The following COLEC11 variants were observed in gnomAD, a reference collection of about 807,000 sequenced individuals.
COLEC11 encodes collectin-11.
Under a neutral mutation model 27.3 loss-of-function variants are expected in COLEC11, and 20 were observed. That is an observed-to-expected ratio of 0.73 (90% CI 0.51 to 1.06). The LOEUF (loss-of-function observed/expected upper bound fraction) is 1.06. Ranked by LOEUF, COLEC11 falls within the 50% of genes least tolerant of loss-of-function variation. The pLI is 0.00. For missense variants in COLEC11, 310 were observed against 383.0 expected (o/e 0.81, Z 1.59); for synonymous variants, 163 against 154.7 (o/e 1.05, Z -0.40).
intron 3 of COLEC11, among the ~76,000 whole-genome samples, chr2:3,632,405 G>C (rs777539231): frequency 1.3e-5 from 2 of 152,222 alleles, no homozygotes; most frequent in Admixed American, 1.3e-4. Context: ...GAGGCTGGAA[G>C]TCAGGGATCC....
At position 3,603,762 on chromosome 2, in the gene COLEC11, C is replaced by T; in HGVS notation, c.-26-553C>T. ...TCCCCAGGCCCCTGGGTTCCTAAGG[C>T]CGGGGCTCCTCTCTCCTTACTGATC... On this transcript the variant is annotated intron_variant, in intron 1 of 6. Transcript: ENST00000349077. 3.3e-6 allele frequency: 4 copies of T among 1,197,422 alleles called. No individual in the cohort carries two copies. In the South Asian group the frequency reaches 3.9e-5, roughly 12 times the overall value. The allele number at this position is 1,197,422 out of a possible 1,614,324, so 74.2% of individuals were successfully genotyped here. A position where few individuals can be genotyped will look rare whatever the true frequency, so the allele number is the denominator to read the frequency against.
At chr2:3,620,112 TTTTTGTAAGA>T (rs1258772450) in intron 3 of COLEC11, among the ~76,000 whole-genome samples, 7 of 152,192 alleles carry the variant, frequency 4.6e-5, no homozygotes, top group Non-Finnish European at 1.0e-4. Context: ...CCTCTTCAAT[TTTTTGTAAGA>T]TTTTAGAAGG....
At chr2:3,614,309 A>G (rs1220946110) in intron 3 of COLEC11, among the ~76,000 whole-genome samples, 3 of 151,772 alleles carry the variant, frequency 2.0e-5, no homozygotes. Flanking sequence ...CAGTTAGCCA[A>G]CCCCCCAACC....
At chr2:3,616,698 A>G (rs1014327968) in intron 3 of COLEC11, among the ~76,000 whole-genome samples, 11 of 152,166 alleles carry the variant, frequency 7.2e-5, no homozygotes, top group African/African-American at 2.7e-4. Context: ...CAGTGAGCCG[A>G]GATGGCAGCA....
Position 3,643,629 on chromosome 2 carries a change from G to C in COLEC11, c.424+90G>C. ...CAAGGGCTCTGCCGTGCCCACGCCT[G>C]CCCTGCCTGCCCTGCCGGCCCCTGC... On this transcript the variant is annotated intron_variant, in intron 6 of 6. Coordinates refer to ENST00000349077, the MANE Select transcript of COLEC11 (RefSeq NM_024027.5). 4 of 1,598,316 alleles carry C rather than the reference G, an allele frequency of 2.5e-6. No homozygotes were observed. In the South Asian group the frequency reaches 4.4e-5, roughly 18 times the overall value.
At chr2:3,640,249 G>A in intron 4 of COLEC11, 29 bp from the exon 5 acceptor site, 1 of 1,460,856 alleles carries the variant, frequency 6.8e-7, no homozygotes, top group Non-Finnish European at 9.6e-7. Flanking sequence ...TCTCTGCCTG[G>A]TGACTTGGAC....
chr2:3,600,331 G>GATC (rs1662132220), intron 1 of COLEC11, among the ~76,000 whole-genome samples: 1 of 152,006 alleles, frequency 6.6e-6, no homozygotes, highest in Non-Finnish European at 1.5e-5. Context: ...GAGAGAGGCA[G>GATC]ATCACTTCAG....
At chr2:3,607,449 C>CTTTTTTTTTTTTTTTTTT (rs377560723) in intron 2 of COLEC11, among the ~76,000 whole-genome samples, 3 of 109,172 alleles carry the variant, frequency 2.7e-5, no homozygotes, top group Non-Finnish European at 5.4e-5. Context: ...TTTTTTTTTG[C>CTTTTTTTTTTTTTTTTTT]TTTTTTTTTT....
intron 3 of COLEC11, among the ~76,000 whole-genome samples, chr2:3,615,244 G>A (rs1663574053): frequency 1.3e-5 from 2 of 152,336 alleles, no homozygotes; most frequent in Non-Finnish European, 2.9e-5. Flanking sequence ...AGACAAACAA[G>A]TGAACAAGGG....
At chr2:3,596,571 A>G (rs1270056248) in intron 1 of COLEC11, among the ~76,000 whole-genome samples, 1 of 152,100 alleles carries the variant, frequency 6.6e-6, no homozygotes, top group African/African-American at 2.4e-5. Flanking sequence ...ACTCCTAACC[A>G]GGTGATCTGC....
rs1339384030 is a variant in COLEC11, at chr2:3,604,340, G to A, written c.-1G>A. The A allele has an allele frequency of 1.9e-6, 3 of 1,613,630 alleles. No homozygotes were observed. Among genetic ancestry groups the A allele is most frequent in the Non-Finnish European group, 1.7e-6 (2 of 1,179,900 alleles). The stretch of plus-strand genomic sequence containing the variant: ...GAGTTGGTGTCCTGCCTGCGCTCAG[G>A]ATGAGGGGGAATCTGGCCCTGGTGG... On this transcript the variant is annotated 5_prime_UTR_variant, in exon 2 of 7. Transcript: ENST00000349077.
intron 2 of COLEC11, among the ~76,000 whole-genome samples, chr2:3,607,453 T>C (rs983710584): frequency 1.4e-5 from 2 of 141,244 alleles, no homozygotes; most frequent in Non-Finnish European, 1.6e-5. Flanking sequence ...TTTTTGCTTT[T>C]TTTTTTTTTT....
intron 3 of COLEC11, among the ~76,000 whole-genome samples, chr2:3,634,557 C>G (rs1465765037): frequency 6.6e-6 from 1 of 152,170 alleles, no homozygotes. Flanking sequence ...AATGGGTTGG[C>G]TAGTTGATTG....
chr2:3,639,323 T>C (rs1297314942), intron 4 of COLEC11, among the ~76,000 whole-genome samples: 1 of 152,234 alleles, frequency 6.6e-6, no homozygotes, highest in Non-Finnish European at 1.5e-5. Context: ...CTGGGCAGAT[T>C]CCGGCATCTC....
chr2:3,637,686 G>A (rs1665533953), intron 4 of COLEC11, 82 bp downstream of exon 4: 15 of 1,080,386 alleles, frequency 1.4e-5, no homozygotes, highest in Non-Finnish European at 2.2e-5. Flanking sequence ...ATTGTAGCCT[G>A]AATTGTCTCG....
chr2:3,599,938 T>C (rs988050455), intron 1 of COLEC11, among the ~76,000 whole-genome samples: 3 of 152,174 alleles, frequency 2.0e-5, no homozygotes, highest in African/African-American at 7.2e-5. Flanking sequence ...TGTGATATCT[T>C]ATAAAACTCA....
Position 3,637,538 on chromosome 2 carries a change from A to C in COLEC11, c.208A>C (p.Met70Leu). ...RVGPTGEKGD[M>L]GDKGQKGSVG... is the part of the protein sequence containing the mutation. ...GCTCTTATTGTTTTCTACAGGAGACATGGGGGACAAAGGACAGAAAGGCAG... is the reference window on the plus strand; with the variant it reads ...GCTCTTATTGTTTTCTACAGGAGACCTGGGGGACAAAGGACAGAAAGGCAG... Residue 70 changes from methionine (M) to leucine (L), a missense_variant, in exon 4 of 7, where the codon ATG becomes CTG. Physicochemically the swap from Met to Leu is conservative, Grantham distance 15. Coordinates refer to ENST00000349077, the MANE Select transcript of COLEC11 (RefSeq NM_024027.5). 1.2e-6 allele frequency: 2 copies of C among 1,614,104 alleles called. No individual in the cohort carries two copies. The highest frequency in any genetic ancestry group is 2.7e-5 in the African/African-American group (2 of 75,032).
At chr2:3,632,706 G>T (rs751115761) in intron 3 of COLEC11, among the ~76,000 whole-genome samples, 1 of 152,166 alleles carries the variant, frequency 6.6e-6, no homozygotes, top group Non-Finnish European at 1.5e-5. Flanking sequence ...TGAAATCAGC[G>T]TGTACGTGTG....
rs950468237 is a variant in COLEC11, at chr2:3,595,134, G to T, written c.-61G>T. On this transcript the variant is annotated 5_prime_UTR_variant, in exon 1 of 7. Transcript: ENST00000349077. Reference sequence around the variant, plus strand: ...GGCAGTGTCCTCGCGGGCCAGCGACGGGCAGGACGCCCCGTTCGCCTAGCG... The same window carrying T: ...GGCAGTGTCCTCGCGGGCCAGCGACTGGCAGGACGCCCCGTTCGCCTAGCG... 1.2e-4 allele frequency: 44 copies of T among 356,512 alleles called. No homozygotes were observed. The highest frequency in any genetic ancestry group is 8.9e-4 in the African/African-American group (41 of 46,318). The allele number at this position is 356,512 out of a possible 1,614,324, so 22.1% of individuals were successfully genotyped here. A position where few individuals can be genotyped will look rare whatever the true frequency, so the allele number is the denominator to read the frequency against.
Sources: allele counts gnomAD v4.1 joint callset (sites outside exome capture counted in the v4.1 genomes callset), GRCh38; gene constraint gnomAD v4.1.1; transcripts MANE v1.5; gene names NCBI Gene and HGNC (gene_info 2026-07-23, HGNC 2026-07-21).